Variants in TENM2 observed in about 807,000 individuals in gnomAD.
TENM2 encodes the protein teneurin transmembrane protein 2, also known as teneurin-2.
Under a neutral mutation model 245.2 loss-of-function variants are expected in TENM2, and 52 were observed. The ratio of observed to expected loss-of-function variants is 0.21; its 90% confidence interval spans 0.17 to 0.27. The LOEUF is 0.27. Among genes scored for constraint, TENM2 ranks in the 10% least tolerant of loss-of-function variants. The pLI, the probability that TENM2 is intolerant of heterozygous loss-of-function variation, is 1.00. For missense variants in TENM2, 3,046 were observed against 3,666.8 expected, an observed-to-expected ratio of 0.83 and a Z score of 4.37; for synonymous variants, 1,363 against 1,438.9, an observed-to-expected ratio of 0.95 and a Z score of 1.19.
At chr5:167,593,452 T>C (rs535447066) in intron 2 of TENM2, among the ~76,000 whole-genome samples, 1 of 152,312 alleles carries the variant, frequency 6.6e-6, no homozygotes, top group Admixed American at 6.5e-5. Flanking sequence ...TTTCCCCTTG[T>C]TCCATGTAAA....
intron 15 of TENM2, among the ~76,000 whole-genome samples, chr5:168,198,261 T>C (rs1761631794): frequency 7.5e-6 from 1 of 134,054 alleles, no homozygotes; most frequent in Non-Finnish European, 1.5e-5. Context: ...AGTGGCGCAA[T>C]CTCGGCCCAC....
chr5:167,414,073 T>A (rs1382304158), intron 2 of TENM2, among the ~76,000 whole-genome samples: 4 of 152,182 alleles, frequency 2.6e-5, no homozygotes, highest in African/African-American at 9.6e-5. Context: ...TGGATGGACA[T>A]TTTACTGAAT....
intron 2 of TENM2, among the ~76,000 whole-genome samples, chr5:167,768,944 C>G (rs1238311631): frequency 6.6e-6 from 1 of 152,116 alleles, no homozygotes; most frequent in Non-Finnish European, 1.5e-5. Context: ...TCACTTTCTT[C>G]CCCACATCTC....
chr5:168,118,847 C>CCCTCGCCCTATCTTTCTT (rs1795275053), intron 10 of TENM2, among the ~76,000 whole-genome samples: 1 of 152,074 alleles, frequency 6.6e-6, no homozygotes, highest in African/African-American at 2.4e-5. Context: ...TTGTTCCTTT[C>CCCTCGCCCTATCTTTCTT]CCTCGCCCTA....
At chr5:167,103,865 C>T in the TENM2 span, among the ~76,000 whole-genome samples, 1 of 151,992 alleles carries the variant, frequency 6.6e-6, no homozygotes, top group East Asian at 1.9e-4. Context: ...AATGAGTTTA[C>T]CCACATGTGC....
At chr5:167,563,113 A>C (rs975287429) in intron 2 of TENM2, among the ~76,000 whole-genome samples, 1 of 152,174 alleles carries the variant, frequency 6.6e-6, no homozygotes, top group Non-Finnish European at 1.5e-5. Context: ...TGATATCAGC[A>C]TGAAAAGACC....
chr5:168,063,685 A>G (rs1183479741), intron 7 of TENM2, among the ~76,000 whole-genome samples: 1 of 152,176 alleles, frequency 6.6e-6, no homozygotes, highest in Non-Finnish European at 1.5e-5. Context: ...CATGGCAGAC[A>G]TTGCTAATCA....
chr5:167,969,737 G>A (rs948591907), intron 4 of TENM2, among the ~76,000 whole-genome samples: 1 of 152,114 alleles, frequency 6.6e-6, no homozygotes, highest in Non-Finnish European at 1.5e-5. Context: ...TATTCTCAAA[G>A]CTTAGAAACC....
chr5:167,267,457 A>G, the TENM2 span, among the ~76,000 whole-genome samples: 1 of 152,130 alleles, frequency 6.6e-6, no homozygotes, highest in South Asian at 2.1e-4. Context: ...TACAACACAA[A>G]CATTTCATAG....
At chr5:167,665,385 C>T (rs1755504071) in intron 2 of TENM2, among the ~76,000 whole-genome samples, 1 of 151,920 alleles carries the variant, frequency 6.6e-6, no homozygotes, top group Non-Finnish European at 1.5e-5. Flanking sequence ...GCTGCGATCC[C>T]ATTTCATATG....
chr5:167,008,073 G>C, the TENM2 span, among the ~76,000 whole-genome samples: 2 of 152,092 alleles, frequency 1.3e-5, no homozygotes, highest in Admixed American at 6.6e-5. Context: ...CTTTTCCTGA[G>C]AACACTTCAA....
intron 2 of TENM2, among the ~76,000 whole-genome samples, chr5:167,643,447 G>A (rs898204701): frequency 4.6e-5 from 7 of 152,000 alleles, no homozygotes; most frequent in African/African-American, 1.7e-4. Flanking sequence ...TGTAGCCTGC[G>A]TCAGTGGTTC....
chr5:167,583,026 C>T (rs1379315109), intron 2 of TENM2, among the ~76,000 whole-genome samples: 1 of 152,116 alleles, frequency 6.6e-6, no homozygotes, highest in Non-Finnish European at 1.5e-5. Flanking sequence ...CACAGTTGAG[C>T]ATGTTTGCCA....
In TENM2 at chr5:167,750,263, C is replaced by G. The variant is rs193005520; in HGVS notation, c.503-125723C>G. On this transcript the variant is annotated intron_variant, in intron 2 of 28. Coordinates refer to ENST00000518659, the Ensembl canonical transcript of TENM2. ...ACCCTTCCCTTGCCCTACGCTGTTA[C>G]GGGTTGCAGCTGCTGTCCATATAGG... Among the ~76,000 whole-genome samples the G allele has an allele frequency of 7.7e-4, 117 of 152,208 alleles. 1 individual carries two copies. Among genetic ancestry groups the G allele is most frequent in the East Asian group, 9.7e-4 (5 of 5,158 alleles).
At chr5:167,163,129 G>A in the TENM2 span, among the ~76,000 whole-genome samples, 2 of 152,132 alleles carry the variant, frequency 1.3e-5, no homozygotes, top group African/African-American at 4.8e-5. Context: ...GAGGTGGGGG[G>A]TCTCACTCTG....
At chr5:167,334,096 G>C (rs555758913) in intron 1 of TENM2, among the ~76,000 whole-genome samples, 1 of 152,200 alleles carries the variant, frequency 6.6e-6, no homozygotes, top group African/African-American at 2.4e-5. Flanking sequence ...GTGCTTTTAT[G>C]AATTGTTTTA....
At chr5:167,075,809 T>C in the TENM2 span, among the ~76,000 whole-genome samples, 4 of 152,172 alleles carry the variant, frequency 2.6e-5, no homozygotes, top group African/African-American at 9.7e-5. Flanking sequence ...TGGCATTACA[T>C]TTCATTGAAC....
intron 3 of TENM2, among the ~76,000 whole-genome samples, chr5:167,900,908 A>G (rs900089390): frequency 1.3e-5 from 2 of 151,874 alleles, no homozygotes; most frequent in African/African-American, 4.8e-5. Flanking sequence ...GGAGATTGAC[A>G]GGACTGGATG....
intron 2 of TENM2, among the ~76,000 whole-genome samples, chr5:167,742,332 C>T (rs7737377): frequency 0.067 from 10,149 of 150,528 alleles, 404 homozygotes; most frequent in African/African-American, 0.1. Context: ...AATGGAACCA[C>T]ACATATTATT....
Sources: allele counts gnomAD v4.1 joint callset (sites outside exome capture counted in the v4.1 genomes callset), GRCh38; gene constraint gnomAD v4.1.1; transcripts MANE v1.5; gene names NCBI Gene and HGNC (gene_info 2026-07-23, HGNC 2026-07-21).